Variants in SON observed in about 807,000 individuals in gnomAD.
The protein encoded by SON is protein SON.
SON carries 4 observed loss-of-function variants against 173.3 expected under a neutral mutation model. That is an observed-to-expected ratio of 0.02 (90% CI 0.01 to 0.05). The LOEUF (loss-of-function observed/expected upper bound fraction) is 0.05, where lower values mean the gene tolerates loss of function less well. Among genes scored for constraint, SON ranks in the 10% least tolerant of loss-of-function variants. The pLI is 1.00. For synonymous variants in SON, 1,190 were observed against 1,105.9 expected (o/e 1.08, Z -1.51); for missense variants, 2,626 against 3,055.3 (o/e 0.86, Z 3.31).
At chr21:33,563,335 C>A (rs1229024414) in intron 6 of SON, among the ~76,000 whole-genome samples, 1 of 152,122 alleles carries the variant, frequency 6.6e-6, no homozygotes, top group Non-Finnish European at 1.5e-5. Context: ...CAACCAAACA[C>A]ATAACTGGGA....
chr21:33,567,516 T>C lies in SON; in HGVS notation c.6768+249T>C. 4 of 462,166 alleles carry C rather than the reference T, an allele frequency of 8.7e-6. No individual in the cohort carries two copies. The South Asian group carries it at 1.1e-4, about 12-fold the overall frequency. The allele number at this position is 462,166 out of a possible 1,614,324, so 28.6% of individuals were successfully genotyped here. On this transcript the variant is annotated intron_variant, in intron 7 of 11. Coordinates refer to ENST00000356577, the MANE Select transcript of SON (RefSeq NM_138927.4). ...AGAACAAAATAGAAAAATTTCCCTG[T>C]CCTCACAGAGTTTACAATCTGGTGT...
At chr21:33,565,827 C>T (rs950523744) in intron 6 of SON, among the ~76,000 whole-genome samples, 12 of 152,054 alleles carry the variant, frequency 7.9e-5, no homozygotes, top group Non-Finnish European at 1.5e-4. Flanking sequence ...TTTAAGAAGG[C>T]ATTGTATCAG....
chr21:33,573,869 AC>A (rs1165656154), intron 9 of SON, among the ~76,000 whole-genome samples: 2 of 188 alleles, frequency 0.011, no homozygotes, highest in East Asian at 0.14. Context: ...CTATTACAAT[AC>A]TGGTTTAGTC....
rs769227177 is a variant in SON at position 33,553,410 on chromosome 21, G to T, written c.4179G>T (p.Glu1393Asp). The change falls in exon 3 of 12, where the codon GAG (glutamate) becomes GAT (aspartate). Residue 1393 changes from glutamate to aspartate, a missense_variant. Transcript: ENST00000356577. ...AGCCTTCGGTTGTGACTGTCCCGGA[G>T]CCTCCTGTTGTGGCTGAGCCAGACT... ...VLEPSVVTVP[E>D]PPVVAEPDYV... 9 of 1,613,842 alleles carry T rather than the reference G, an allele frequency of 5.6e-6. No individual in the cohort carries two copies. Among genetic ancestry groups the T allele is most frequent in the Non-Finnish European group, 7.6e-6 (9 of 1,179,788 alleles).
At position 33,554,561 on chromosome 21, in the gene SON, A is replaced by G; in HGVS notation, c.5330A>G (p.Glu1777Gly). ...AGCCCGGTTGTAAGTAGTATGCCAG[A>G]AAGAGCTTCAGAGTCTTCTTCAGAG... ...AASPVVSSMP[E>G]RASESSSEEK... The change falls in exon 3 of 12, where the codon GAA (glutamate) becomes GGA (glycine). Residue 1777 changes from glutamate to glycine, a missense_variant. Around this residue, in one of 13 missense-constraint regions of SON, gnomAD observed 1,006 missense variants for 895.6 expected, o/e 1.12. Coordinates refer to ENST00000356577, the MANE Select transcript of SON (RefSeq NM_138927.4). 7 of 1,614,064 alleles carry G rather than the reference A, an allele frequency of 4.3e-6. No individual in the cohort carries two copies. The highest frequency in any genetic ancestry group is 5.9e-6 in the Non-Finnish European group (7 of 1,180,052).
Position 33,560,000 on chromosome 21 carries a change from G to A in SON, c.6657+225G>A. The A allele has an allele frequency of 6.2e-7, 1 of 1,614,224 alleles. No homozygotes were observed. Among genetic ancestry groups the A allele is most frequent in the Non-Finnish European group, 8.5e-7 (1 of 1,180,032 alleles). Reference sequence around the variant, plus strand: ...GCCACAAAGTGAAAAGCATCGAATTGCAGAGAACAGTGTTATCACATCCCT... The same window carrying A: ...GCCACAAAGTGAAAAGCATCGAATTACAGAGAACAGTGTTATCACATCCCT... On this transcript the variant is annotated intron_variant, in intron 6 of 11. Coordinates refer to ENST00000356577, the MANE Select transcript of SON (RefSeq NM_138927.4). This position sits in a 1 kb window ranked among gnomAD's most constrained non-coding sequence, Gnocchi z 4.1.
At chr21:33,545,492 A>G (rs1466618046) in intron 1 of SON, among the ~76,000 whole-genome samples, 2 of 152,246 alleles carry the variant, frequency 1.3e-5, no homozygotes, top group Non-Finnish European at 2.9e-5. Context: ...TCACACAAAA[A>G]TAGTAAAAAT....
chr21:33,553,502 T>G lies in SON; in HGVS notation c.4271T>G (p.Val1424Gly). ...TCTGTGCCTGTTCTGGAACCAGCGG[T>G]GTCAGTCCTTCAACCTTCTATGATT... ...EPSVPVLEPA[V>G]SVLQPSMIVS... The change falls in exon 3 of 12, where the codon GTG becomes GGG. Residue 1424 changes from valine to glycine, a missense_variant. Coordinates refer to ENST00000356577, the MANE Select transcript of SON (RefSeq NM_138927.4). 6.2e-7 allele frequency: 1 copy of G among 1,614,194 alleles called. No individual in the cohort carries two copies. The highest frequency in any genetic ancestry group is 8.5e-7 in the Non-Finnish European group (1 of 1,180,042).
chr21:33,569,767 G>C (rs931032934), intron 8 of SON: 1 of 299,722 alleles, frequency 3.3e-6, no homozygotes, highest in African/African-American at 2.3e-5. Flanking sequence ...GGGGTGGGCT[G>C]TGGTGAAGGG....
In SON at chr21:33,551,318, T is replaced by C. The variant is rs1251840874; in HGVS notation, c.2087T>C (p.Val696Ala). The C allele has an allele frequency of 6.2e-7, 1 of 1,614,104 alleles. No individual in the cohort carries two copies. The change falls in exon 3 of 12, where the codon GTG becomes GCG. Residue 696 changes from valine to alanine, a missense_variant. Physicochemically the swap from Val to Ala is moderately conservative, Grantham distance 64. Coordinates refer to ENST00000356577, the MANE Select transcript of SON (RefSeq NM_138927.4). ...GCACAGGAGCTGCCTACTACATTAG[T>C]GGGGGAGACTTCTGTAACAGTAGGA... The part of the protein sequence containing the change: ...TVAQELPTTL[V>A]GETSVTVGVD...
rs531910433 is a variant in SON, at chr21:33,550,914, G to A, written c.1683G>A (p.Pro561=). 16 of 1,607,602 alleles carry A rather than the reference G, an allele frequency of 1.0e-5. No homozygotes were observed. Among genetic ancestry groups the A allele is most frequent in the African/African-American group, 4.0e-5 (3 of 74,574 alleles). The change falls in exon 3 of 12, where the codon CCG becomes CCA. Residue 561 remains proline (P), a synonymous_variant. Coordinates refer to ENST00000356577, the MANE Select transcript of SON (RefSeq NM_138927.4). ...TGGCAACGACAGCGCTGGAGTTGCC[G>A]GGGCAGCCTTCGGTGACTGGGGTGC... ...QPVATTALEL[P]GQPSVTGVPE...
At position 33,543,059 on chromosome 21, in the gene SON, A is replaced by C; in HGVS notation, c.-34A>C. On this transcript the variant is annotated 5_prime_UTR_variant, in exon 1 of 12. Transcript: ENST00000356577. ...AGGCATGCTGGGAGCCTGGAGGACT[A>C]GCGAGGAGGAGTTGAGAGAACGGAG... 6.2e-7 allele frequency: 1 copy of C among 1,605,224 alleles called. No individual in the cohort carries two copies. Among genetic ancestry groups the C allele is most frequent in the Non-Finnish European group, 8.5e-7 (1 of 1,171,726 alleles).
intron 4 of SON, 125 bp downstream of exon 4, chr21:33,557,441 G>A (rs2085990040): frequency 1.8e-5 from 28 of 1,544,576 alleles, no homozygotes; most frequent in Non-Finnish European, 2.4e-5. Flanking sequence ...GCCAAAACCC[G>A]AAATACAGAT....
rs2085749497 is a variant in SON, at chr21:33,550,599, T to A, written c.1368T>A (p.Leu456=). 1 of 1,613,402 alleles carries A rather than the reference T, an allele frequency of 6.2e-7. No individual in the cohort carries two copies. The highest frequency in any genetic ancestry group is 1.3e-5 in the African/African-American group (1 of 74,694). The change falls in exon 3 of 12, where the codon CTT becomes CTA. Residue 456 remains leucine (L), a synonymous_variant. Transcript: ENST00000356577. ...VPQLSQELPG[L]PAPSMGLEPP... is the part of the protein sequence containing the mutation. ...AGTTGTCGCAGGAATTGCCAGGGCTTCCAGCACCATCCATGGGGTTGGAGC... is the reference window on the plus strand; with the variant it reads ...AGTTGTCGCAGGAATTGCCAGGGCTACCAGCACCATCCATGGGGTTGGAGC...
Position 33,568,009 on chromosome 21 carries a change from G to A in SON, c.6768+742G>A, listed in dbSNP as rs546012051. 4.6e-4 allele frequency among the ~76,000 whole-genome samples: 70 copies of A among 152,290 alleles called. 1 individual carries two copies. Among genetic ancestry groups the A allele is most frequent in the African/African-American group, 1.7e-3 (70 of 41,552 alleles). ...CAAGCAATCTGAATCTGGAGTCTGT[G>A]CTTTTAACAATGGACAGCCTCTCCA... On this transcript the variant is annotated intron_variant, in intron 7 of 11. Transcript: ENST00000356577.
intron 8 of SON, 149 bp downstream of exon 8, chr21:33,569,236 A>C: frequency 1.8e-6 from 1 of 564,320 alleles, no homozygotes; most frequent in Non-Finnish European, 3.2e-6. Context: ...CGGACACTGA[A>C]GACGGACTGG....
intron 9 of SON, among the ~76,000 whole-genome samples, chr21:33,575,287 C>T (rs1333913153): frequency 1.3e-5 from 2 of 152,138 alleles, no homozygotes; most frequent in African/African-American, 2.4e-5. Flanking sequence ...CCACCCGCCT[C>T]GGCCTCCCAA....
At chr21:33,545,970 G>A (rs2085604525) in intron 1 of SON, among the ~76,000 whole-genome samples, 1 of 152,182 alleles carries the variant, frequency 6.6e-6, no homozygotes, top group African/African-American at 2.4e-5. Flanking sequence ...GTTTAACAAA[G>A]AGTGTACTTA....
chr21:33,559,660 C>G lies in SON; in HGVS notation c.6542C>G (p.Ser2181Cys). 2 of 1,614,070 alleles carry G rather than the reference C, an allele frequency of 1.2e-6. No individual in the cohort carries two copies. Among genetic ancestry groups the G allele is most frequent in the Non-Finnish European group, 1.7e-6 (2 of 1,179,970 alleles). ...AAAGAATTCCCTGTATCATCTGGAT[C>G]TCAACATCGGAAAAAAGAAGCGGAT... ...LTKEFPVSSGSQHRKKEADSV... is the reference protein window; with the variant it reads ...LTKEFPVSSGCQHRKKEADSV... The change falls in exon 6 of 12, where the codon TCT becomes TGT. Residue 2181 changes from serine (S) to cysteine (C), a missense_variant. Ser to Cys is a moderately radical substitution (Grantham distance 112). This residue lies in a region of SON where 75 missense variants were observed against 201.6 expected (regional missense o/e 0.37). Coordinates refer to ENST00000356577, the MANE Select transcript of SON (RefSeq NM_138927.4). The surrounding 1 kb of genome is among the most constrained non-coding windows in gnomAD (Gnocchi z 4.1).
Sources: gnomAD v4.1 joint callset for allele counts (sites outside exome capture counted in the v4.1 genomes callset) on GRCh38, gnomAD v4.1.1 for gene constraint, gnomAD v4.1.1 regional missense constraint, Gnocchi (gnomAD v3.1) non-coding constraint, MANE v1.5 for transcripts, NCBI Gene and HGNC (gene_info 2026-07-23, HGNC 2026-07-21) for gene names.